Variants in SDCCAG8 observed in about 807,000 individuals in gnomAD.
SDCCAG8 encodes the protein SHH signaling and ciliogenesis regulator SDCCAG8, also known as serologically defined colon cancer antigen 8.
A neutral mutation model predicts 101.8 loss-of-function variants in SDCCAG8; 74 were observed. The ratio of observed to expected loss-of-function variants is 0.73; its 90% CI spans 0.60 to 0.88. The LOEUF is 0.88. Among genes scored for constraint, SDCCAG8 ranks in the 40% least tolerant of loss-of-function variants. SDCCAG8 has a pLI of 0.00. For missense variants in SDCCAG8, 787 were observed against 822.6 expected (o/e 0.96, Z 0.53); for synonymous variants, 281 against 292.9 (o/e 0.96, Z 0.41).
At chr1:243,294,466 C>A (rs915913965) in intron 6 of SDCCAG8, among the ~76,000 whole-genome samples, 24 of 59,394 alleles carry the variant, frequency 4.0e-4, no homozygotes, top group Non-Finnish European at 1.1e-3. Flanking sequence ...CCACTCCCCC[C>A]AAAAGGTGGG....
chr1:243,477,031 C>CAGAGAGAG (rs1420213719), intron 16 of SDCCAG8, among the ~76,000 whole-genome samples: 6 of 146,116 alleles, frequency 4.1e-5, no homozygotes, highest in African/African-American at 1.6e-4. Context: ...CACACACACA[C>CAGAGAGAG]ACAGAGAGAA....
In SDCCAG8 at chr1:243,474,878, G is replaced by T. The variant is rs1252803468; in HGVS notation, c.1986-14136G>T. Among the ~76,000 whole-genome samples the T allele has an allele frequency of 1.3e-5, 2 of 152,210 alleles. No homozygotes were observed. The highest frequency in any genetic ancestry group is 2.9e-5 in the Non-Finnish European group (2 of 68,034). ...ACTCCGAGACTGAAGCATTTTATTG[G>T]CAGCATTTAGAATCGGGGAAAAATC... is the stretch of plus-strand genomic sequence containing the variant. On this transcript the variant is annotated intron_variant, in intron 16 of 17. Coordinates refer to ENST00000366541, the MANE Select transcript of SDCCAG8 (RefSeq NM_006642.5). This position sits in a 1 kb window ranked among gnomAD's most constrained non-coding sequence, Gnocchi z 4.7.
intron 12 of SDCCAG8, among the ~76,000 whole-genome samples, chr1:243,367,993 C>G (rs1179067166): frequency 1.3e-5 from 2 of 151,574 alleles, no homozygotes; most frequent in Non-Finnish European, 2.9e-5. Flanking sequence ...GCAGGAGGAT[C>G]GCTTGAGCCC....
At chr1:243,419,383 A>G (rs1368423844) in intron 15 of SDCCAG8, among the ~76,000 whole-genome samples, 1 of 152,224 alleles carries the variant, frequency 6.6e-6, no homozygotes, top group Non-Finnish European at 1.5e-5. Context: ...TTTGCACCAC[A>G]TAGATCCAAA....
In SDCCAG8 at chr1:243,274,566, C is replaced by A. The variant is rs1377377514; in HGVS notation, c.330C>A (p.Thr110=). 5 of 1,601,956 alleles carry A rather than the reference C, an allele frequency of 3.1e-6. No homozygotes were observed. The South Asian group carries it at 4.4e-5, about 14-fold the overall frequency. Residue 110 remains threonine, a synonymous_variant, in exon 4 of 18, where the codon ACC becomes ACA. Coordinates refer to ENST00000366541, the MANE Select transcript of SDCCAG8 (RefSeq NM_006642.5). ...SPLRSLEHEE[T]NMPTMHDLVH... ...AGAGGTCATTAGAACATGAGGAAAC[C>A]AATATGCCTACTATGCACGACCTTG...
chr1:243,475,908 C>T (rs1259633329), intron 16 of SDCCAG8: 7 of 983,314 alleles, frequency 7.1e-6, no homozygotes, highest in African/African-American at 1.7e-5. Context: ...AAATTGACTC[C>T]GCGTATTCCT....
intron 17 of SDCCAG8, among the ~76,000 whole-genome samples, chr1:243,498,501 G>C (rs1019351972): frequency 6.6e-6 from 1 of 152,080 alleles, no homozygotes; most frequent in African/African-American, 2.4e-5. Flanking sequence ...TCAGCCTGAG[G>C]CCAGGCCCCC....
At position 243,300,203 on chromosome 1, in the gene SDCCAG8, G is replaced by A. The variant is rs376438348; in HGVS notation, c.676-4510G>A. Among the ~76,000 whole-genome samples, 6 of 151,498 alleles carry A rather than the reference G, an allele frequency of 4.0e-5. No individual in the cohort carries two copies. The South Asian group carries it at 1.2e-3, about 31-fold the overall frequency. ...TTATGATTCCCTTTTGCTTTTTTTT[G>A]TTGGTCTGAAAAAAATCTTTAGTAC... On this transcript the variant is annotated intron_variant, in intron 6 of 17. Transcript: ENST00000366541.
chr1:243,426,490 G>C lies in SDCCAG8; in HGVS notation c.1917G>C (p.Gln639His). Residue 639 changes from glutamine (Q) to histidine (H), a missense_variant, in exon 16 of 18, where the codon CAG becomes CAC. Gln to His is a conservative substitution (Grantham distance 24). Transcript: ENST00000366541. ...RYTYDKLGKL[Q>H]RRNEELEEQC... ...CATATGATAAATTGGGAAAGTTACA[G>C]AGAAGAAATGAAGAATTGGAGGAAC... 1.2e-6 allele frequency: 2 copies of C among 1,613,946 alleles called. No individual in the cohort carries two copies. Among genetic ancestry groups the C allele is most frequent in the African/African-American group, 2.7e-5 (2 of 75,046 alleles).
chr1:243,459,750 G>A (rs927271180), intron 16 of SDCCAG8, among the ~76,000 whole-genome samples: 1 of 152,084 alleles, frequency 6.6e-6, no homozygotes, highest in Non-Finnish European at 1.5e-5. Context: ...GGGACTACAG[G>A]CGTACCAACA....
At chr1:243,406,856 C>T (rs75834256) in intron 13 of SDCCAG8, among the ~76,000 whole-genome samples, 55 of 152,296 alleles carry the variant, frequency 3.6e-4, no homozygotes, top group African/African-American at 1.3e-3. Flanking sequence ...GTCCACTTCA[C>T]TTGTAATAAT....
At chr1:243,329,457 G>T (rs2074433195) in intron 9 of SDCCAG8, among the ~76,000 whole-genome samples, 1 of 152,148 alleles carries the variant, frequency 6.6e-6, no homozygotes, top group African/African-American at 2.4e-5. Context: ...AAAACTTACA[G>T]TGCTTACTAA....
chr1:243,354,981 G>T (rs1253802293), intron 12 of SDCCAG8, among the ~76,000 whole-genome samples: 1 of 152,168 alleles, frequency 6.6e-6, no homozygotes, highest in Non-Finnish European at 1.5e-5. Context: ...CTGTTCATGA[G>T]TGTTAGACAC....
intron 12 of SDCCAG8, among the ~76,000 whole-genome samples, chr1:243,366,146 C>T (rs916601131): frequency 4.6e-5 from 7 of 151,980 alleles, no homozygotes; most frequent in South Asian, 4.1e-4. Flanking sequence ...TTTAAATTGA[C>T]TTATGAAGTT....
At chr1:243,473,050 G>A (rs908380142) in intron 16 of SDCCAG8, among the ~76,000 whole-genome samples, 3 of 150,540 alleles carry the variant, frequency 2.0e-5, no homozygotes, top group African/African-American at 7.3e-5. Context: ...TTAAGTGCTA[G>A]GATATTCTTA....
chr1:243,455,240 C>T (rs916972764), intron 16 of SDCCAG8, among the ~76,000 whole-genome samples: 10 of 152,150 alleles, frequency 6.6e-5, no homozygotes, highest in Non-Finnish European at 1.3e-4. Context: ...AGTTGCTAAA[C>T]GTTAATTGCT....
intron 5 of SDCCAG8, 114 bp downstream of exon 5, chr1:243,286,511 A>G: frequency 9.1e-7 from 1 of 1,103,040 alleles, no homozygotes; most frequent in East Asian, 2.6e-5. Flanking sequence ...CCAAAGTACT[A>G]TGTTGGTATT....
chr1:243,407,894 G>A (rs1464444539), intron 13 of SDCCAG8, among the ~76,000 whole-genome samples: 2 of 152,142 alleles, frequency 1.3e-5, no homozygotes, highest in Non-Finnish European at 2.9e-5. Flanking sequence ...TCTCATTCCT[G>A]TGTTTTCCTT....
intron 6 of SDCCAG8, among the ~76,000 whole-genome samples, chr1:243,299,570 C>T (rs1466540102): frequency 6.6e-6 from 1 of 152,062 alleles, no homozygotes; most frequent in African/African-American, 2.4e-5. Context: ...CATGCCACCA[C>T]ACTCGACTAA....
Sources: allele counts gnomAD v4.1 joint callset (sites outside exome capture counted in the v4.1 genomes callset), GRCh38; gene constraint gnomAD v4.1.1; non-coding constraint Gnocchi (gnomAD v3.1); transcripts MANE v1.5; gene names NCBI Gene and HGNC (gene_info 2026-07-23, HGNC 2026-07-21).